ZNF23: variants seen among roughly 807,000 people sequenced by gnomAD.
The protein encoded by ZNF23 is kruppel-like zinc finger factor X31.
In ZNF23, 48 loss-of-function variants were observed where a neutral mutation model predicts 56.2. The observed-to-expected ratio is 0.85, with a 90% CI of 0.68 to 1.09. The LOEUF is 1.09. Among genes scored for constraint, ZNF23 ranks in the 50% least tolerant of loss-of-function variants. The probability of loss-of-function intolerance (pLI) is 0.00; values close to 1 mark genes in which losing one functional copy is unlikely to be tolerated. For synonymous variants in ZNF23, 266 were observed against 283.3 expected, an observed-to-expected ratio of 0.94 and a Z score of 0.61; for missense variants, 805 against 811.4, an observed-to-expected ratio of 0.99 and a Z score of 0.10.
chr16:71,454,213 C>A, intron 2 of ZNF23, 45 bp from the exon 3 acceptor site: 1 of 1,592,840 alleles, frequency 6.3e-7, no homozygotes, highest in South Asian at 1.1e-5. Flanking sequence ...TTCCATAGCT[C>A]AGGCCCTAAG....
rs185449462 is a variant in ZNF23, at chr16:71,455,198, C to T, written c.34-1030G>A. Among the ~76,000 whole-genome samples the T allele has an allele frequency of 2.1e-3, 323 of 152,278 alleles. 1 individual carries two copies. Among genetic ancestry groups the T allele is most frequent in the Admixed American group, 2.7e-3 (41 of 15,304 alleles). On this transcript the variant is annotated intron_variant, in intron 2 of 4. Coordinates refer to ENST00000647773, the MANE Select transcript of ZNF23 (RefSeq NM_001381984.1). ...AAAATATAATGTCTTCACTGTGTGC[C>T]GCCACCACCACCCTGGTAAGTTGGC...
chr16:71,460,078 C>T (rs2043386388), intron 1 of ZNF23, among the ~76,000 whole-genome samples: 1 of 152,126 alleles, frequency 6.6e-6, no homozygotes, highest in South Asian at 2.1e-4. Flanking sequence ...TTTGCAAGAA[C>T]GTAAACATCC....
At chr16:71,457,380 C>A (rs1207305604) in intron 1 of ZNF23, among the ~76,000 whole-genome samples, 2 of 152,110 alleles carry the variant, frequency 1.3e-5, no homozygotes, top group African/African-American at 4.8e-5. Flanking sequence ...CTGGCTAACA[C>A]GGTGAAACCC....
In ZNF23 at chr16:71,456,773, G is replaced by C. The variant is rs2043248315; in HGVS notation, c.24C>G (p.Ala8=). The C allele has an allele frequency of 1.0e-6, 1 of 985,914 alleles. No homozygotes were observed. Among genetic ancestry groups the C allele is most frequent in the Non-Finnish European group, 1.2e-6 (1 of 830,076 alleles). 61.1% of individuals were successfully genotyped at this position (985,914 alleles called of 1,614,324 possible). A position where few individuals can be genotyped will look rare whatever the true frequency, so the allele number is the denominator to read the frequency against. The change falls in exon 2 of 5, where the codon GCC becomes GCG. Residue 8 remains alanine, a synonymous_variant. Transcript: ENST00000647773. ...GGACCCCACAGCTCACCTGGGGCCA[G>C]GCTGTCAGGTGCATGGCTGCCATCC... MAAMHLT[A]WPQKSVTFED... is the part of the protein sequence containing the mutation.
chr16:71,456,321 G>A lies in ZNF23; in HGVS notation c.33+443C>T, dbSNP rs939604960. ...CCCCTCCCTTGACTCCACTCCCTGTGACCTTCCCTTACCCCTGAATTAGAG... is the reference window on the plus strand; with the variant it reads ...CCCCTCCCTTGACTCCACTCCCTGTAACCTTCCCTTACCCCTGAATTAGAG... On this transcript the variant is annotated intron_variant, in intron 2 of 4. Coordinates refer to ENST00000647773, the MANE Select transcript of ZNF23 (RefSeq NM_001381984.1). Among the ~76,000 whole-genome samples the A allele has an allele frequency of 3.3e-5, 5 of 152,094 alleles. No individual in the cohort carries two copies. In the East Asian group the frequency reaches 9.6e-4, roughly 29 times the overall value.
At chr16:71,450,404 A>G in intron 4 of ZNF23, 1 of 205,356 alleles carries the variant, frequency 4.9e-6, no homozygotes, top group Non-Finnish European at 1.0e-5. Flanking sequence ...CACTGTAGAG[A>G]ACATAACCAA....
chr16:71,461,995 T>C (rs2043477010), intron 1 of ZNF23: 1 of 152,234 alleles, frequency 6.6e-6, no homozygotes, highest in South Asian at 2.1e-4. Context: ...CCCCTTCCAA[T>C]GGGCGCAAGC....
At chr16:71,456,932 T>C (rs2043254812) in intron 1 of ZNF23, 104 bp from the exon 2 acceptor site, 1 of 270,692 alleles carries the variant, frequency 3.7e-6, no homozygotes, top group Non-Finnish European at 5.7e-6. Flanking sequence ...TGCATCCAAA[T>C]AGGAGTGCGA....
intron 4 of ZNF23, chr16:71,450,645 G>A (rs1290850113): frequency 1.6e-5 from 7 of 430,074 alleles, no homozygotes; most frequent in Admixed American, 2.5e-5. Context: ...CTCGAACCCG[G>A]GAAACGGAAG....
rs1465051064 is a variant in ZNF23 at position 71,448,333 on chromosome 16, C to T, written c.1821G>A (p.Glu607=). Residue 607 remains glutamate (E), a synonymous_variant, in exon 5 of 5, where the codon GAG becomes GAA. Transcript: ENST00000647773. The part of the protein sequence containing the change: ...HTGEKPFQCK[E]CGKAFHVNAH... The stretch of plus-strand genomic sequence containing the variant: ...CATTAACATGGAAGGCTTTTCCACA[C>T]TCCTTACACTGAAAGGGTTTCTCTC... The T allele has an allele frequency of 1.2e-6, 2 of 1,613,672 alleles. No individual in the cohort carries two copies. Among genetic ancestry groups the T allele is most frequent in the African/African-American group, 2.7e-5 (2 of 74,778 alleles).
chr16:71,449,059 T>C lies in ZNF23; in HGVS notation c.1095A>G (p.Lys365=). ...DCGKAFNVNA[K]LIQHQRIHTG... ...TATGGATTCTCTGATGTTGAATTAA[T>C]TTTGCATTAACATTGAACGCTTTCC... is the stretch of plus-strand genomic sequence containing the variant. Residue 365 remains lysine (K), a synonymous_variant, in exon 5 of 5, where the codon AAA becomes AAG. Transcript: ENST00000647773. The C allele has an allele frequency of 6.2e-7, 1 of 1,614,176 alleles. No individual in the cohort carries two copies. Among genetic ancestry groups the C allele is most frequent in the Non-Finnish European group, 8.5e-7 (1 of 1,180,024 alleles).
At chr16:71,454,214 A>T in intron 2 of ZNF23, 46 bp from the exon 3 acceptor site, 1 of 1,590,126 alleles carries the variant, frequency 6.3e-7, no homozygotes, top group East Asian at 2.2e-5. Context: ...TCCATAGCTC[A>T]GGCCCTAAGT....
intron 1 of ZNF23, chr16:71,461,610 T>C (rs1597006945): frequency 6.6e-6 from 1 of 152,204 alleles, no homozygotes; most frequent in Non-Finnish European, 1.5e-5. Flanking sequence ...GTAGAAGTCA[T>C]TCCCAGGTCA....
At chr16:71,450,992 T>G (rs573199830) in intron 4 of ZNF23, 2 of 165,510 alleles carry the variant, frequency 1.2e-5, no homozygotes, top group African/African-American at 4.8e-5. Flanking sequence ...GAACATTAAC[T>G]GTGGGCTTTC....
At position 71,449,793 on chromosome 16, in the gene ZNF23, T is replaced by C. The variant is rs1208561585; in HGVS notation, c.361A>G (p.Thr121Ala). 2 of 1,614,106 alleles carry C rather than the reference T, an allele frequency of 1.2e-6. No individual in the cohort carries two copies. The highest frequency in any genetic ancestry group is 1.7e-6 in the Non-Finnish European group (2 of 1,180,032). The change falls in exon 5 of 5, where the codon ACA becomes GCA. Residue 121 changes from threonine (T) to alanine (A), a missense_variant. Thr to Ala is a moderately conservative substitution (Grantham distance 58, BLOSUM62 0). Coordinates refer to ENST00000647773, the MANE Select transcript of ZNF23 (RefSeq NM_001381984.1). ...FELQRDFSQE[T>A]DFSEASLLEK... ...AGAAGAGAGGCTTCTGAAAAGTCTG[T>C]TTCCTGGGAAAAGTCTCTTTGAAGT...
chr16:71,458,071 G>C (rs1019580763), intron 1 of ZNF23, among the ~76,000 whole-genome samples: 5 of 152,150 alleles, frequency 3.3e-5, no homozygotes, highest in African/African-American at 1.2e-4. Context: ...CCTAAGGACA[G>C]CACAGGCTGT....
chr16:71,456,055 T>C (rs2043219496), intron 2 of ZNF23: 1 of 456,420 alleles, frequency 2.2e-6, no homozygotes, highest in East Asian at 6.9e-5. Flanking sequence ...CTGGTGTGAC[T>C]GTGGACTGTT....
At chr16:71,455,219 T>C (rs1334454759) in intron 2 of ZNF23, among the ~76,000 whole-genome samples, 2 of 152,218 alleles carry the variant, frequency 1.3e-5, no homozygotes, top group East Asian at 1.9e-4. Flanking sequence ...CCCTGGTAAG[T>C]TGGCACTTCC....
At position 71,447,782 on chromosome 16, in the gene ZNF23, A is replaced by G; in HGVS notation, c.*311T>C. On this transcript the variant is annotated 3_prime_UTR_variant, in exon 5 of 5. Transcript: ENST00000647773. Reference sequence around the variant, plus strand: ...TCCTTTGTAAAGTGGCCCTCAGTGAAGACTTAAATTTCTCCATACAAGTCC... The same window carrying G: ...TCCTTTGTAAAGTGGCCCTCAGTGAGGACTTAAATTTCTCCATACAAGTCC... 1 of 195,474 alleles carries G rather than the reference A, an allele frequency of 5.1e-6. No homozygotes were observed. 12.1% of individuals were successfully genotyped at this position (195,474 alleles called of 1,614,324 possible).
Sources: allele counts gnomAD v4.1 joint callset (sites outside exome capture counted in the v4.1 genomes callset), GRCh38; gene constraint gnomAD v4.1.1; transcripts MANE v1.5; gene names NCBI Gene and HGNC (gene_info 2026-07-23, HGNC 2026-07-21).